Variants in LRIG3 observed in about 807,000 individuals in gnomAD.
LRIG3 encodes leucine rich repeats and immunoglobulin like domains 3.
A neutral mutation model predicts 114.5 loss-of-function variants in LRIG3; 76 were observed. The observed-to-expected ratio is 0.66, with a 90% CI of 0.55 to 0.80. The LOEUF is 0.80. Among genes scored for constraint, LRIG3 ranks in the 30% least tolerant of loss-of-function variants. The pLI, the probability that LRIG3 is intolerant of heterozygous loss-of-function variation, is 0.00. For missense variants in LRIG3, 1,239 were observed against 1,382.8 expected, an observed-to-expected ratio of 0.90 and a Z score of 1.65; for synonymous variants, 512 against 519.8, an observed-to-expected ratio of 0.98 and a Z score of 0.20.
At position 58,913,999 on chromosome 12, in the gene LRIG3, A is replaced by G; in HGVS notation, c.366T>C (p.Asn122=). 6.2e-7 allele frequency: 1 copy of G among 1,612,602 alleles called. No homozygotes were observed. The highest frequency in any genetic ancestry group is 1.1e-5 in the South Asian group (1 of 90,634). ...TCACTTACAAGGAGAGAAGTGTAATATTTGCCGAGACTGGTCCCAGATTTG... is the reference window on the plus strand; with the variant it reads ...TCACTTACAAGGAGAGAAGTGTAATGTTTGCCGAGACTGGTCCCAGATTTG... ...TIPNLGPVSA[N]ITLLSLAGNR... Residue 122 remains asparagine, a synonymous_variant, in exon 3 of 19, where the codon AAT becomes AAC. Transcript: ENST00000320743.
chr12:58,906,500 T>C (rs1325990278), intron 3 of LRIG3, among the ~76,000 whole-genome samples: 4 of 152,220 alleles, frequency 2.6e-5, no homozygotes, highest in Non-Finnish European at 5.9e-5. Context: ...TTCCCAAAGC[T>C]GTTTTTTTCA....
intron 3 of LRIG3, among the ~76,000 whole-genome samples, chr12:58,894,279 T>C (rs1174205527): frequency 6.6e-6 from 1 of 152,162 alleles, no homozygotes; most frequent in Non-Finnish European, 1.5e-5. Context: ...CAAAAATCCC[T>C]TACAACTGTG....
intron 18 of LRIG3, among the ~76,000 whole-genome samples, chr12:58,873,388 T>C (rs139891582): frequency 2.6e-5 from 4 of 152,238 alleles, no homozygotes; most frequent in African/African-American, 9.6e-5. Context: ...GTAAAATATT[T>C]GAAAATTCTC....
At chr12:58,896,679 T>C (rs1334487094) in intron 3 of LRIG3, among the ~76,000 whole-genome samples, 4 of 152,232 alleles carry the variant, frequency 2.6e-5, no homozygotes, top group African/African-American at 9.6e-5. Flanking sequence ...CCATTTTTTA[T>C]GTTTGCAATA....
chr12:58,910,787 C>T (rs1464346339), intron 3 of LRIG3, among the ~76,000 whole-genome samples: 2 of 152,174 alleles, frequency 1.3e-5, no homozygotes, highest in African/African-American at 4.8e-5. Context: ...ACCAACAAGG[C>T]TCTTTTGTTC....
At position 58,877,532 on chromosome 12, in the gene LRIG3, C is replaced by T. The variant is rs754352982; in HGVS notation, c.2404G>A (p.Asp802Asn). The change falls in exon 15 of 19, where the codon GAT becomes AAT. Residue 802 changes from aspartate to asparagine, a missense_variant. Transcript: ENST00000320743. ...SPQMTAPSLD[D>N]DGWATVGVVI... ...ACACCCACAGTGGCCCATCCGTCAT[C>T]GTCTAACGATGGGGCTGTCATCTGA... 42 of 1,614,108 alleles carry T rather than the reference C, an allele frequency of 2.6e-5. No individual in the cohort carries two copies. Among genetic ancestry groups the T allele is most frequent in the Non-Finnish European group, 3.1e-5 (36 of 1,180,054 alleles).
chr12:58,914,209 G>A lies in LRIG3; in HGVS notation c.308+56C>T, dbSNP rs772171234. On this transcript the variant is annotated intron_variant, in intron 2 of 18. Transcript: ENST00000320743. ...TCCAAGTATTCCTTACGGTTAAATA[G>A]TATAAGGGGTAACGTATTTTACTCA... 84 of 1,542,286 alleles carry A rather than the reference G, an allele frequency of 5.4e-5. 1 individual carries two copies. The highest frequency in any genetic ancestry group is 7.4e-5 in the Non-Finnish European group (83 of 1,116,876).
At position 58,876,542 on chromosome 12, in the gene LRIG3, G is replaced by A. The variant is rs1202000421; in HGVS notation, c.2598C>T (p.Asp866=). The change falls in exon 16 of 19, where the codon GAC becomes GAT. Residue 866 remains aspartate (D), a synonymous_variant. Transcript: ENST00000320743. ...CTGAAGACACGTACCCATCCTGCCT[G>A]TCAGCTAACGTTCCCTGAGATGACA... ...SYLSSQGTLA[D]RQDGYVSSES... 1 of 1,614,160 alleles carries A rather than the reference G, an allele frequency of 6.2e-7. No homozygotes were observed.
intron 4 of LRIG3, among the ~76,000 whole-genome samples, chr12:58,890,415 T>C (rs1027675958): frequency 2.0e-5 from 3 of 152,184 alleles, no homozygotes; most frequent in Non-Finnish European, 4.4e-5. Context: ...TGATTTTGAT[T>C]GTTTTTTTAA....
At chr12:58,893,814 C>T (rs1485728823) in intron 3 of LRIG3, among the ~76,000 whole-genome samples, 1 of 152,188 alleles carries the variant, frequency 6.6e-6, no homozygotes, top group Non-Finnish European at 1.5e-5. Context: ...CTCTCTATCC[C>T]CTCCCCTATC....
At chr12:58,894,081 A>C (rs1033936170) in intron 3 of LRIG3, among the ~76,000 whole-genome samples, 3 of 152,200 alleles carry the variant, frequency 2.0e-5, no homozygotes, top group Non-Finnish European at 4.4e-5. Context: ...TTTATAAGGT[A>C]ATTATGAACA....
chr12:58,887,726 GA>G, intron 8 of LRIG3, 62 bp downstream of exon 8: 1 of 1,560,408 alleles, frequency 6.4e-7, no homozygotes. Context: ...TCTGCTAGGA[GA>G]AAAGTGGGCA....
At chr12:58,903,546 C>T (rs1480092723) in intron 3 of LRIG3, among the ~76,000 whole-genome samples, 1 of 152,146 alleles carries the variant, frequency 6.6e-6, no homozygotes, top group South Asian at 2.1e-4. Context: ...GTTTCTTTTG[C>T]TGTGCAGAAG....
chr12:58,896,037 T>C (rs1204414387), intron 3 of LRIG3, among the ~76,000 whole-genome samples: 1 of 152,130 alleles, frequency 6.6e-6, no homozygotes, highest in Non-Finnish European at 1.5e-5. Context: ...AGACACAGAG[T>C]GCAGACTAGG....
rs902505081 is a variant in LRIG3, at chr12:58,911,881, A to G, written c.383+2101T>C. ...AGAGGTAAATTTTTCAAGATATTTCATAGGTATAAAAAGAAGTTTTTACTC... is the reference window on the plus strand; with the variant it reads ...AGAGGTAAATTTTTCAAGATATTTCGTAGGTATAAAAAGAAGTTTTTACTC... On this transcript the variant is annotated intron_variant, in intron 3 of 18. Transcript: ENST00000320743. 2.0e-5 allele frequency among the ~76,000 whole-genome samples: 3 copies of G among 152,232 alleles called. No homozygotes were observed. The South Asian group carries it at 6.2e-4, about 32-fold the overall frequency.
At chr12:58,919,560 G>A (rs1251089297) in intron 1 of LRIG3, 1 of 1,547,362 alleles carries the variant, frequency 6.5e-7, no homozygotes, top group African/African-American at 1.4e-5. Flanking sequence ...GTGGGAACAG[G>A]AAAAGGAGTC....
intron 13 of LRIG3, among the ~76,000 whole-genome samples, chr12:58,879,556 T>C (rs1040472429): frequency 1.3e-5 from 2 of 152,248 alleles, no homozygotes; most frequent in Non-Finnish European, 1.5e-5. Flanking sequence ...AACTGTTCTA[T>C]GTGCCAGGCC....
Position 58,914,009 on chromosome 12 carries a change from A to G in LRIG3, c.356T>C (p.Val119Ala). ...ELETIPNLGP[V>A]SANITLLSLA... ...GGAGAGAAGTGTAATATTTGCCGAGACTGGTCCCAGATTTGGAATGGTCTC... is the reference window on the plus strand; with the variant it reads ...GGAGAGAAGTGTAATATTTGCCGAGGCTGGTCCCAGATTTGGAATGGTCTC... The change falls in exon 3 of 19, where the codon GTC (valine) becomes GCC (alanine). Residue 119 changes from valine (V) to alanine (A), a missense_variant. Val to Ala is a moderately conservative substitution (Grantham distance 64, BLOSUM62 0). Transcript: ENST00000320743. The G allele has an allele frequency of 6.2e-7, 1 of 1,612,620 alleles. No homozygotes were observed. Among genetic ancestry groups the G allele is most frequent in the South Asian group, 1.1e-5 (1 of 90,638 alleles).
intron 3 of LRIG3, among the ~76,000 whole-genome samples, chr12:58,906,652 C>T (rs949306300): frequency 3.9e-5 from 6 of 152,114 alleles, no homozygotes; most frequent in Admixed American, 6.5e-5. Flanking sequence ...CCCTATTCAT[C>T]ATTCATAAGC....
Sources: gnomAD v4.1 joint callset for allele counts (sites outside exome capture counted in the v4.1 genomes callset) on GRCh38, gnomAD v4.1.1 for gene constraint, MANE v1.5 for transcripts, NCBI Gene and HGNC (gene_info 2026-07-23, HGNC 2026-07-21) for gene names.